CDH12: variants seen among roughly 807,000 people sequenced by gnomAD.
The protein encoded by CDH12 is cadherin-12.
A neutral mutation model predicts 74.1 loss-of-function variants in CDH12; 41 were observed. That is an observed-to-expected ratio of 0.55 (90% CI 0.43 to 0.72). The LOEUF (loss-of-function observed/expected upper bound fraction) is 0.72. Ranked by LOEUF, CDH12 falls within the 30% of genes least tolerant of loss-of-function variation. The pLI is 0.00. For synonymous variants in CDH12, 399 were observed against 355.0 expected (o/e 1.12, Z -1.39); for missense variants, 945 against 977.2 (o/e 0.97, Z 0.44).
At chr5:22,317,585 A>C (rs1430227849) in intron 3 of CDH12, among the ~76,000 whole-genome samples, 1 of 152,156 alleles carries the variant, frequency 6.6e-6, no homozygotes, top group Non-Finnish European at 1.5e-5. Flanking sequence ...CTGAATACGC[A>C]GTTCCTGTAA....
chr5:22,147,685 G>A (rs1376024513), intron 4 of CDH12, among the ~76,000 whole-genome samples: 1 of 151,964 alleles, frequency 6.6e-6, no homozygotes, highest in Non-Finnish European at 1.5e-5. Flanking sequence ...ATCTTACATG[G>A]TGGCAGGCAA....
chr5:21,793,106 C>T lies in CDH12; in HGVS notation c.1256+9061G>A, dbSNP rs142749372. 3.4e-3 allele frequency among the ~76,000 whole-genome samples: 516 copies of T among 151,748 alleles called. 3 individuals are homozygous for T. The highest frequency in any genetic ancestry group is 0.011 in the African/African-American group (476 of 41,494). The stretch of plus-strand genomic sequence containing the variant: ...CCTCCCATTCATGTCACAGAACTTT[C>T]CTAATTTCCTCAGAAATCAAAGGCA... On this transcript the variant is annotated intron_variant, in intron 10 of 14. Transcript: ENST00000382254.
chr5:22,381,175 T>A (rs577305369), intron 3 of CDH12, among the ~76,000 whole-genome samples: 6 of 152,170 alleles, frequency 3.9e-5, no homozygotes, highest in African/African-American at 1.2e-4. Flanking sequence ...TTTTTATATA[T>A]GCTCATCAAA....
intron 5 of CDH12, among the ~76,000 whole-genome samples, chr5:22,060,610 T>C (rs1231635243): frequency 1.3e-5 from 2 of 152,178 alleles, no homozygotes; most frequent in East Asian, 3.9e-4. Flanking sequence ...CAGCACTATG[T>C]GGTGATGCTT....
intron 2 of CDH12, among the ~76,000 whole-genome samples, chr5:22,413,472 T>C (rs1224328050): frequency 2.0e-5 from 3 of 151,880 alleles, no homozygotes; most frequent in Non-Finnish European, 4.4e-5. Context: ...TATACCAACA[T>C]GAAAGTTATG....
chr5:21,960,779 CCTGT>C (rs778585966), intron 6 of CDH12, among the ~76,000 whole-genome samples: 5 of 151,686 alleles, frequency 3.3e-5, no homozygotes, highest in South Asian at 2.1e-4. Flanking sequence ...TATATGTTTG[CCTGT>C]CTTTCTATTA....
At position 21,841,571 on chromosome 5, in the gene CDH12, C is replaced by T. The variant is rs1245224670; in HGVS notation, c.814+590G>A. Among the ~76,000 whole-genome samples the T allele has an allele frequency of 1.0e-4, 15 of 148,648 alleles. No individual in the cohort carries two copies. The East Asian group carries it at 2.0e-3, about 20-fold the overall frequency. Reference sequence around the variant, plus strand: ...GACACATGCACACGTATGTTTATTGCGGCACTATTCACAATAGCAAAGACT... The same window carrying T: ...GACACATGCACACGTATGTTTATTGTGGCACTATTCACAATAGCAAAGACT... On this transcript the variant is annotated intron_variant, in intron 8 of 14. Transcript: ENST00000382254.
chr5:22,792,303 G>T (rs1747956268), intron 1 of CDH12, among the ~76,000 whole-genome samples: 1 of 152,020 alleles, frequency 6.6e-6, no homozygotes, highest in South Asian at 2.1e-4. Context: ...TGGCTGGGCT[G>T]GTCTCAAACT....
At chr5:21,762,411 T>G (rs370482374) in intron 12 of CDH12, among the ~76,000 whole-genome samples, 1 of 152,094 alleles carries the variant, frequency 6.6e-6, no homozygotes, top group African/African-American at 2.4e-5. Flanking sequence ...AGATAATAGA[T>G]AGTAGCATAA....
At chr5:22,836,217 C>CTCTTTTTTTT (rs1329156670) in intron 1 of CDH12, among the ~76,000 whole-genome samples, 10 of 20,452 alleles carry the variant, frequency 4.9e-4, no homozygotes, top group Admixed American at 1.9e-3. Flanking sequence ...TTTTTTCTTT[C>CTCTTTTTTTT]TTTCTCTTTT....
chr5:22,828,869 A>T (rs955479946), intron 1 of CDH12, among the ~76,000 whole-genome samples: 2 of 152,238 alleles, frequency 1.3e-5, no homozygotes, highest in South Asian at 2.1e-4. Context: ...TTATATATAT[A>T]TTTTCATTCA....
At chr5:21,990,332 AAG>A (rs771534044) in intron 5 of CDH12, among the ~76,000 whole-genome samples, 60 of 152,296 alleles carry the variant, frequency 3.9e-4, no homozygotes, top group Non-Finnish European at 7.1e-4. Context: ...ACAACATAAA[AAG>A]AGTTAAAATC....
chr5:22,601,850 G>A (rs1176096453), intron 1 of CDH12, among the ~76,000 whole-genome samples: 1 of 151,988 alleles, frequency 6.6e-6, no homozygotes, highest in Admixed American at 6.6e-5. Flanking sequence ...ACCTTTGAAA[G>A]GAAGAAACTG....
intron 6 of CDH12, among the ~76,000 whole-genome samples, chr5:21,942,334 GTA>G (rs761850084): frequency 0.029 from 3,117 of 107,018 alleles, 69 homozygotes; most frequent in Admixed American, 0.049. Flanking sequence ...GACAAATACA[GTA>G]TATATATATA....
At chr5:22,080,536 T>A (rs1032096189) in intron 4 of CDH12, among the ~76,000 whole-genome samples, 1 of 152,134 alleles carries the variant, frequency 6.6e-6, no homozygotes, top group Non-Finnish European at 1.5e-5. Context: ...CAAAATAATA[T>A]TTATAAAAAG....
chr5:22,444,355 T>A (rs1744737936), intron 2 of CDH12, among the ~76,000 whole-genome samples: 1 of 152,074 alleles, frequency 6.6e-6, no homozygotes, highest in African/African-American at 2.4e-5. Context: ...TCAAAGACAC[T>A]TCTCCCTCTC....
chr5:22,560,868 T>A (rs185040736), intron 1 of CDH12, among the ~76,000 whole-genome samples: 4 of 152,266 alleles, frequency 2.6e-5, no homozygotes, highest in African/African-American at 9.6e-5. Context: ...CAAGATGAAT[T>A]GTATGCTTAC....
chr5:22,248,760 T>C (rs1024983619), intron 3 of CDH12, among the ~76,000 whole-genome samples: 2 of 152,194 alleles, frequency 1.3e-5, no homozygotes, highest in Admixed American at 6.5e-5. Flanking sequence ...TAACTGTGGC[T>C]AAATTTAAAA....
intron 1 of CDH12, among the ~76,000 whole-genome samples, chr5:22,740,371 A>T (rs187440486): frequency 6.6e-6 from 1 of 152,142 alleles, no homozygotes; most frequent in East Asian, 1.9e-4. Context: ...TTATAGACAC[A>T]TGATCATGTA....
Sources: gnomAD v4.1 joint callset for allele counts (sites outside exome capture counted in the v4.1 genomes callset) on GRCh38, gnomAD v4.1.1 for gene constraint, MANE v1.5 for transcripts, NCBI Gene and HGNC (gene_info 2026-07-23, HGNC 2026-07-21) for gene names.